Variants in PANX1 observed in about 807,000 individuals in gnomAD.
PANX1 encodes the protein pannexin-1.
A neutral mutation model predicts 38.7 loss-of-function variants in PANX1; 30 were observed. The ratio of observed to expected loss-of-function variants is 0.78; its 90% CI spans 0.58 to 1.05. PANX1 has a LOEUF of 1.05. Ranked by LOEUF, PANX1 falls within the 50% of genes least tolerant of loss-of-function variation. The pLI, the probability that PANX1 is intolerant of heterozygous loss-of-function variation, is 0.00. For missense variants in PANX1, 551 were observed against 517.2 expected, an observed-to-expected ratio of 1.07 and a Z score of -0.63; for synonymous variants, 230 against 212.2, an observed-to-expected ratio of 1.08 and a Z score of -0.73.
intron 1 of PANX1, among the ~76,000 whole-genome samples, 166 bp downstream of exon 1, chr11:94,129,659 G>T (rs1946603033): frequency 1.3e-5 from 2 of 152,200 alleles, no homozygotes; most frequent in South Asian, 4.1e-4. Flanking sequence ...CTTTGCCCAG[G>T]TGTTTCATTG....
chr11:94,156,877 TC>T (rs935193468), intron 2 of PANX1, among the ~76,000 whole-genome samples: 1 of 145,464 alleles, frequency 6.9e-6, no homozygotes, highest in Non-Finnish European at 1.5e-5. Context: ...CCCTCCCCAC[TC>T]CCCCCACCCA....
chr11:94,137,218 C>T (rs563694536), intron 1 of PANX1, among the ~76,000 whole-genome samples: 8 of 151,898 alleles, frequency 5.3e-5, no homozygotes, highest in Non-Finnish European at 1.0e-4. Flanking sequence ...ACAGGAGAAT[C>T]GCTTGAACGC....
chr11:94,156,816 G>A (rs1234695567), intron 2 of PANX1, among the ~76,000 whole-genome samples: 1 of 150,642 alleles, frequency 6.6e-6, no homozygotes, highest in East Asian at 2.0e-4. Context: ...ATGTTGGTGT[G>A]CTGCACCCAT....
intron 1 of PANX1, among the ~76,000 whole-genome samples, chr11:94,151,631 A>G (rs1946883366): frequency 6.6e-6 from 1 of 152,232 alleles, no homozygotes; most frequent in Non-Finnish European, 1.5e-5. Flanking sequence ...GAAGCATTTC[A>G]CACTGATGCG....
In PANX1 at chr11:94,178,504, G is replaced by T; in HGVS notation, c.457G>T (p.Ala153Ser). Residue 153 changes from alanine to serine, a missense_variant, in exon 3 of 5, where the codon GCA becomes TCA. By Grantham distance (99) the Ala-to-Ser change is moderately conservative (BLOSUM62 1). Coordinates refer to ENST00000227638, the MANE Select transcript of PANX1 (RefSeq NM_015368.4). The part of the protein sequence containing the change: ...MEELDKVYNR[A>S]IKAAKSARDL... ...AGAACTTGACAAAGTTTACAACCGT[G>T]CAATTAAGGCTGCAAAGAGTGCGCG... 6.2e-7 allele frequency: 1 copy of T among 1,614,108 alleles called. No homozygotes were observed. The highest frequency in any genetic ancestry group is 8.5e-7 in the Non-Finnish European group (1 of 1,180,006).
chr11:94,143,501 C>G (rs1946788547), intron 1 of PANX1, among the ~76,000 whole-genome samples: 1 of 152,318 alleles, frequency 6.6e-6, no homozygotes, highest in South Asian at 2.1e-4. Flanking sequence ...GAATTCTTAA[C>G]TGTGTGCTGG....
At chr11:94,130,489 G>A (rs868789702) in intron 1 of PANX1, among the ~76,000 whole-genome samples, 1 of 152,120 alleles carries the variant, frequency 6.6e-6, no homozygotes, top group Non-Finnish European at 1.5e-5. Context: ...TGGAACAGAA[G>A]AGTGTAGGCT....
intron 1 of PANX1, among the ~76,000 whole-genome samples, chr11:94,146,118 T>C (rs904618374): frequency 6.6e-6 from 1 of 152,206 alleles, no homozygotes; most frequent in African/African-American, 2.4e-5. Flanking sequence ...CAGAACATTT[T>C]GTACCAGGAT....
chr11:94,142,368 C>T (rs753983206), intron 1 of PANX1, among the ~76,000 whole-genome samples: 3 of 152,196 alleles, frequency 2.0e-5, no homozygotes, highest in Non-Finnish European at 4.4e-5. Flanking sequence ...TCCTCACCCT[C>T]ACCTACCAAG....
At chr11:94,151,519 T>C (rs948272268) in intron 1 of PANX1, among the ~76,000 whole-genome samples, 5 of 152,332 alleles carry the variant, frequency 3.3e-5, no homozygotes, top group African/African-American at 9.6e-5. Context: ...AAGCAGCTTA[T>C]CAGCATCCTT....
intron 4 of PANX1, 47 bp from the exon 5 acceptor site, chr11:94,180,743 A>C: frequency 9.4e-7 from 1 of 1,058,920 alleles, no homozygotes; most frequent in Non-Finnish European, 1.5e-6. Context: ...AGTATTGGTA[A>C]TTCCTGCTAT....
intron 1 of PANX1, among the ~76,000 whole-genome samples, chr11:94,144,160 C>G (rs966878694): frequency 1.3e-5 from 2 of 152,116 alleles, no homozygotes; most frequent in African/African-American, 4.8e-5. Context: ...TCTATTAAAG[C>G]TGCCCCTTGG....
At chr11:94,140,957 G>A (rs1946755075) in intron 1 of PANX1, among the ~76,000 whole-genome samples, 1 of 152,232 alleles carries the variant, frequency 6.6e-6, no homozygotes, top group Non-Finnish European at 1.5e-5. Flanking sequence ...CATAGTAGAT[G>A]ACTGGATTCT....
chr11:94,163,674 T>G (rs1947072813), intron 2 of PANX1, among the ~76,000 whole-genome samples: 1 of 152,210 alleles, frequency 6.6e-6, no homozygotes, highest in Non-Finnish European at 1.5e-5. Flanking sequence ...AGGTATTGGC[T>G]TATAATTTTA....
intron 2 of PANX1, among the ~76,000 whole-genome samples, chr11:94,168,596 G>A (rs1005043324): frequency 7.3e-5 from 11 of 151,270 alleles, no homozygotes; most frequent in Non-Finnish European, 1.3e-4. Context: ...AAGGATAGTC[G>A]AAAGTGACAT....
At chr11:94,136,767 CA>C (rs538380528) in intron 1 of PANX1, among the ~76,000 whole-genome samples, 5 of 148,490 alleles carry the variant, frequency 3.4e-5, no homozygotes, top group African/African-American at 1.2e-4. Flanking sequence ...GACTCCGTCT[CA>C]AAAAAAAAGA....
chr11:94,174,178 A>G (rs1322627315), intron 2 of PANX1, among the ~76,000 whole-genome samples: 1 of 151,382 alleles, frequency 6.6e-6, no homozygotes, highest in East Asian at 1.9e-4. Context: ...TAATTTAACT[A>G]ATTATATTTG....
In PANX1 at chr11:94,138,386, T is replaced by C. The variant is rs150249499; in HGVS notation, c.181+8893T>C. On this transcript the variant is annotated intron_variant, in intron 1 of 4. Coordinates refer to ENST00000227638, the MANE Select transcript of PANX1 (RefSeq NM_015368.4). ...CTTATTTTTCCAAGGGGATGTTGGT[T>C]TCTCAATGGGTTTTATTAACTATTT... is the stretch of plus-strand genomic sequence containing the variant. Among the ~76,000 whole-genome samples the C allele has an allele frequency of 4.3e-4, 65 of 152,252 alleles. 1 individual carries two copies. The highest frequency in any genetic ancestry group is 5.9e-4 in the Non-Finnish European group (40 of 68,034).
chr11:94,170,559 C>G (rs1947153786), intron 2 of PANX1, among the ~76,000 whole-genome samples: 1 of 151,754 alleles, frequency 6.6e-6, no homozygotes. Context: ...ATACATACCC[C>G]AAAGTGGAAT....
Sources: gnomAD v4.1 joint callset for allele counts (sites outside exome capture counted in the v4.1 genomes callset) on GRCh38, gnomAD v4.1.1 for gene constraint, MANE v1.5 for transcripts, NCBI Gene and HGNC (gene_info 2026-07-23, HGNC 2026-07-21) for gene names.